Variants in LRRC7 observed in about 807,000 individuals in gnomAD.
LRRC7 encodes leucine rich repeat containing 7, also known as leucine-rich repeat-containing protein 7.
A neutral mutation model predicts 175.7 loss-of-function variants in LRRC7; 23 were observed. The ratio of observed to expected loss-of-function variants is 0.13; its 90% CI spans 0.09 to 0.19. The LOEUF is 0.19. Among genes scored for constraint, LRRC7 ranks in the 10% least tolerant of loss-of-function variants. The probability of loss-of-function intolerance (pLI) is 1.00; values close to 1 mark genes in which losing one functional copy is unlikely to be tolerated. For synonymous variants in LRRC7, 685 were observed against 680.9 expected (o/e 1.01, Z -0.09); for missense variants, 1,354 against 1,904.7 (o/e 0.71, Z 5.38).
chr1:69,742,567 A>G (rs1019610149), intron 2 of LRRC7, among the ~76,000 whole-genome samples: 4 of 151,888 alleles, frequency 2.6e-5, no homozygotes, highest in Admixed American at 2.6e-4. Context: ...ATGTATGTAA[A>G]TACTGTGAGA....
At chr1:69,752,244 C>A (rs931518990) in intron 2 of LRRC7, among the ~76,000 whole-genome samples, 8 of 152,034 alleles carry the variant, frequency 5.3e-5, no homozygotes, top group Admixed American at 3.9e-4. Context: ...ATTTCCATAT[C>A]CCTGTGGCAC....
chr1:69,775,644 G>C (rs1672730406), intron 3 of LRRC7, among the ~76,000 whole-genome samples: 1 of 152,174 alleles, frequency 6.6e-6, no homozygotes, highest in Non-Finnish European at 1.5e-5. Flanking sequence ...AATTAGGAGA[G>C]CTATATAAGG....
chr1:69,984,343 T>G (rs1031859176), intron 9 of LRRC7, among the ~76,000 whole-genome samples: 2 of 152,176 alleles, frequency 1.3e-5, no homozygotes, highest in Non-Finnish European at 1.5e-5. Flanking sequence ...GTACTTAGTA[T>G]AGTGCCAAGT....
intron 2 of LRRC7, among the ~76,000 whole-genome samples, chr1:69,747,427 C>T (rs1328518917): frequency 6.6e-6 from 1 of 152,052 alleles, no homozygotes; most frequent in African/African-American, 2.4e-5. Flanking sequence ...TCCAGCTCAG[C>T]AGTATGTAAT....
At chr1:69,701,750 C>T (rs1663383274) in intron 2 of LRRC7, among the ~76,000 whole-genome samples, 1 of 152,148 alleles carries the variant, frequency 6.6e-6, no homozygotes, top group African/African-American at 2.4e-5. Context: ...GGAAGATTCT[C>T]TGGTTTTATT....
chr1:69,765,349 G>A (rs1324771851), intron 3 of LRRC7, among the ~76,000 whole-genome samples: 2 of 152,064 alleles, frequency 1.3e-5, no homozygotes, highest in African/African-American at 4.8e-5. Context: ...AATCTCAGTG[G>A]ATAACTGAAC....
At chr1:69,959,133 G>A (rs1650792311) in intron 8 of LRRC7, among the ~76,000 whole-genome samples, 1 of 152,042 alleles carries the variant, frequency 6.6e-6, no homozygotes, top group Non-Finnish European at 1.5e-5. Context: ...TCAGGTATTT[G>A]TCTGGAATTT....
At chr1:69,663,326 A>AT (rs1557564320) in intron 1 of LRRC7, among the ~76,000 whole-genome samples, 1 of 152,106 alleles carries the variant, frequency 6.6e-6, no homozygotes, top group Non-Finnish European at 1.5e-5. Flanking sequence ...AATTCAATAC[A>AT]TTTTTTAATT....
rs115270939 is a variant in LRRC7, at chr1:70,090,381, A to G, written c.4545+562A>G. On this transcript the variant is annotated intron_variant, in intron 25 of 26. Coordinates refer to ENST00000651989, the MANE Select transcript of LRRC7 (RefSeq NM_001370785.2). ...AGCAGAAGAATTAGGTCCTCCTCTC[A>G]TACTTACCCCTGCTTGTCAAACTAT... 8.5e-3 allele frequency among the ~76,000 whole-genome samples: 1,286 copies of G among 152,182 alleles called. 12 individuals are homozygous for G. Among genetic ancestry groups the G allele is most frequent in the African/African-American group, 0.029 (1,212 of 41,520 alleles).
In LRRC7 at chr1:69,857,841, C is replaced by T. The variant is rs145836829; in HGVS notation, c.647+19558C>T. 5.0e-3 allele frequency among the ~76,000 whole-genome samples: 765 copies of T among 152,218 alleles called. 6 individuals carry two copies. The highest frequency in any genetic ancestry group is 0.017 in the African/African-American group (699 of 41,542). ...CGAAAGAACAAAGCTGGAGGCATCA[C>T]GCTACCTGACTTCAAACTCTACTAC... On this transcript the variant is annotated intron_variant, in intron 7 of 26. Coordinates refer to ENST00000651989, the MANE Select transcript of LRRC7 (RefSeq NM_001370785.2).
chr1:69,844,043 G>A (rs1682046120), intron 7 of LRRC7, among the ~76,000 whole-genome samples: 1 of 152,126 alleles, frequency 6.6e-6, no homozygotes, highest in Non-Finnish European at 1.5e-5. Context: ...GTATTTGGGA[G>A]GATGGGACAC....
intron 2 of LRRC7, among the ~76,000 whole-genome samples, chr1:69,709,669 A>C (rs1664497733): frequency 6.6e-6 from 1 of 152,214 alleles, no homozygotes; most frequent in African/African-American, 2.4e-5. Context: ...CATTATCAAG[A>C]TTTAAGAAAT....
chr1:69,920,021 T>C (rs1646838541), intron 7 of LRRC7: 2 of 448,308 alleles, frequency 4.5e-6, no homozygotes, highest in Non-Finnish European at 8.0e-6. Context: ...TCCCTGTCAG[T>C]CCCCAGTTGG....
At chr1:69,808,920 T>C (rs542807125) in intron 4 of LRRC7, among the ~76,000 whole-genome samples, 85 of 151,870 alleles carry the variant, frequency 5.6e-4, no homozygotes, top group African/African-American at 1.8e-3. Flanking sequence ...AAGAAATAAC[T>C]AAGATAAGAG....
chr1:69,648,141 G>A (rs1251091760), intron 1 of LRRC7, among the ~76,000 whole-genome samples: 2 of 152,168 alleles, frequency 1.3e-5, no homozygotes, highest in East Asian at 3.9e-4. Flanking sequence ...CGTGGACCCT[G>A]TCTTCATGGA....
rs750809955 is a variant in LRRC7 at position 70,028,216 on chromosome 1, T to C, written c.1840T>C (p.Leu614=). Residue 614 remains leucine, a synonymous_variant, in exon 18 of 27, where the codon TTA becomes CTA. Transcript: ENST00000651989. ...KRYPTPYPED[L]KNMVKSVQNL... is the part of the protein sequence containing the mutation. ...ATATCCAACTCCTTACCCAGAGGATTTAAAGAATATGGTAAAATCTGTTCA... is the reference window on the plus strand; with the variant it reads ...ATATCCAACTCCTTACCCAGAGGATCTAAAGAATATGGTAAAATCTGTTCA... The C allele has an allele frequency of 1.2e-6, 2 of 1,613,788 alleles. No individual in the cohort carries two copies. The highest frequency in any genetic ancestry group is 2.2e-5 in the East Asian group (1 of 44,846).
At chr1:69,676,103 T>A (rs533150870) in intron 1 of LRRC7, among the ~76,000 whole-genome samples, 1 of 151,830 alleles carries the variant, frequency 6.6e-6, no homozygotes, top group African/African-American at 2.4e-5. Context: ...TTGGAAGACT[T>A]TTTTTAAGCC....
chr1:70,039,871 T>C, intron 21 of LRRC7, 78 bp downstream of exon 21: 1 of 1,480,990 alleles, frequency 6.8e-7, no homozygotes, highest in East Asian at 2.3e-5. Context: ...GCACATGTAG[T>C]GAAGCATGAA....
intron 8 of LRRC7, among the ~76,000 whole-genome samples, chr1:69,965,457 C>A (rs1651560819): frequency 1.3e-5 from 2 of 151,986 alleles, no homozygotes; most frequent in African/African-American, 4.8e-5. Flanking sequence ...GGGCTTATGG[C>A]TTAAAGTGTT....
Sources: gnomAD v4.1 joint callset for allele counts (sites outside exome capture counted in the v4.1 genomes callset) on GRCh38, gnomAD v4.1.1 for gene constraint, MANE v1.5 for transcripts, NCBI Gene and HGNC (gene_info 2026-07-23, HGNC 2026-07-21) for gene names.